Variants in ERAP1 observed in about 807,000 individuals in gnomAD.
The protein encoded by ERAP1 is endoplasmic reticulum aminopeptidase 1.
In ERAP1, 86 loss-of-function variants were observed where a neutral mutation model predicts 103.7. The observed-to-expected ratio is 0.83, with a 90% CI of 0.70 to 0.99. The LOEUF is 0.99. Ranked by LOEUF, ERAP1 falls within the 50% of genes least tolerant of loss-of-function variation. The pLI is 0.00. For synonymous variants in ERAP1, 398 were observed against 402.4 expected (o/e 0.99, Z 0.13); for missense variants, 1,009 against 1,128.4 (o/e 0.89, Z 1.52).
chr5:96,831,219 T>C, the ERAP1 span, among the ~76,000 whole-genome samples: 1 of 151,042 alleles, frequency 6.6e-6, no homozygotes, highest in Non-Finnish European at 1.5e-5. Context: ...AGGAGGGAGG[T>C]GCTACACACT....
chr5:96,878,699 A>G, the ERAP1 span, among the ~76,000 whole-genome samples: 2 of 152,120 alleles, frequency 1.3e-5, no homozygotes, highest in African/African-American at 4.8e-5. Context: ...AGGCTGAGGC[A>G]AGTGGATCAC....
At chr5:96,909,783 C>A in the ERAP1 span, 1 of 1,609,336 alleles carries the variant, frequency 6.2e-7, no homozygotes. Flanking sequence ...AGACTTCTGT[C>A]CTACCCTTTG....
chr5:96,865,394 T>C, the ERAP1 span, among the ~76,000 whole-genome samples: 1 of 152,166 alleles, frequency 6.6e-6, no homozygotes, highest in East Asian at 1.9e-4. Flanking sequence ...AATATGTGTA[T>C]AAAAGCCCTA....
At chr5:96,861,584 G>A in the ERAP1 span, among the ~76,000 whole-genome samples, 1 of 152,140 alleles carries the variant, frequency 6.6e-6, no homozygotes, top group African/African-American at 2.4e-5. Context: ...GATACCATTC[G>A]TCCTCCTCAG....
chr5:96,787,667 A>G (rs1423429344), intron 11 of ERAP1, among the ~76,000 whole-genome samples: 2 of 152,128 alleles, frequency 1.3e-5, no homozygotes, highest in Non-Finnish European at 2.9e-5. Context: ...ACATATGCCA[A>G]GTATATACAT....
exon 20 of ERAP1, chr5:96,761,042 A>C (rs184630360): frequency 6.6e-6 from 1 of 152,254 alleles, no homozygotes; most frequent in African/African-American, 2.4e-5. Context: ...GCATAGATCA[A>C]TGAAAAAATT....
intron 18 of ERAP1, among the ~76,000 whole-genome samples, chr5:96,777,779 C>T (rs1402455268): frequency 6.6e-6 from 1 of 152,168 alleles, no homozygotes; most frequent in Non-Finnish European, 1.5e-5. Flanking sequence ...TAAAAACAGA[C>T]CTTCTACAAC....
At chr5:96,891,499 GTATATATA>G in the ERAP1 span, among the ~76,000 whole-genome samples, 70,025 of 139,302 alleles carry the variant, frequency 0.5, 18,228 homozygotes, top group Middle Eastern at 0.58. Context: ...GTGTGTGTGT[GTATATATA>G]TATATATATG....
rs1441553013 is a variant in ERAP1 at position 96,807,910 on chromosome 5, C to T, written c.-68G>A. On this transcript the variant is annotated 5_prime_UTR_variant, in exon 1 of 19. Transcript: ENST00000443439. The stretch of plus-strand genomic sequence containing the variant: ...CTTGCGCCGCCGCCACCACCACTGC[C>T]GCCGGCCTAGCTCCCCCAGGACCGA... The T allele has an allele frequency of 8.1e-6, 8 of 986,258 alleles. No individual in the cohort carries two copies. The highest frequency in any genetic ancestry group is 9.6e-6 in the Non-Finnish European group (8 of 830,676). 61.1% of individuals were successfully genotyped at this position (986,258 alleles called of 1,614,324 possible). A position where few individuals can be genotyped will look rare whatever the true frequency, so the allele number is the denominator to read the frequency against.
At chr5:96,853,097 G>T in the ERAP1 span, among the ~76,000 whole-genome samples, 1 of 152,112 alleles carries the variant, frequency 6.6e-6, no homozygotes, top group African/African-American at 2.4e-5. Context: ...GACTGAGCTG[G>T]CAGGACATGC....
chr5:96,925,078 C>A, the ERAP1 span, among the ~76,000 whole-genome samples: 1 of 152,130 alleles, frequency 6.6e-6, no homozygotes, highest in Non-Finnish European at 1.5e-5. Flanking sequence ...GCCAGCACAT[C>A]ATTATTTTAA....
chr5:96,877,791 C>T, the ERAP1 span, among the ~76,000 whole-genome samples: 1 of 152,090 alleles, frequency 6.6e-6, no homozygotes, highest in Admixed American at 6.5e-5. Flanking sequence ...ACTTATCAGA[C>T]GTTCTTGGAA....
chr5:96,861,831 G>C, the ERAP1 span, among the ~76,000 whole-genome samples: 40 of 152,322 alleles, frequency 2.6e-4, no homozygotes, highest in Non-Finnish European at 5.1e-4. Flanking sequence ...TGTGACTACA[G>C]AGCAGAGACA....
the ERAP1 span, chr5:96,912,770 AC>A: frequency 6.2e-7 from 1 of 1,602,186 alleles, no homozygotes. Flanking sequence ...TGCTTTGTCA[AC>A]GAGCAAGCAT....
In ERAP1 at chr5:96,795,024, T is replaced by C. The variant is rs772960235; in HGVS notation, c.919+18A>G. On this transcript the variant is annotated intron_variant, in intron 5 of 18. Transcript: ENST00000443439. The stretch of plus-strand genomic sequence containing the variant: ...TGTTCATCAAATGTCATGTGTAATA[T>C]CTGTGCAAAATCTCTACCTTGTTTG... 3.1e-6 allele frequency: 5 copies of C among 1,613,698 alleles called. No homozygotes were observed. In the Admixed American group the frequency reaches 8.3e-5, roughly 27 times the overall value.
the ERAP1 span, chr5:96,896,235 T>C: frequency 1.6e-6 from 1 of 638,270 alleles, no homozygotes; most frequent in Non-Finnish European, 2.6e-6. Context: ...GGGGAATACA[T>C]ACAAGAAAAG....
the ERAP1 span, among the ~76,000 whole-genome samples, chr5:96,838,523 G>C: frequency 1.3e-5 from 2 of 152,140 alleles, no homozygotes; most frequent in African/African-American, 4.8e-5. Flanking sequence ...AATAGTTCTT[G>C]TATTGTAACT....
chr5:96,924,812 G>T, the ERAP1 span, among the ~76,000 whole-genome samples: 1 of 152,078 alleles, frequency 6.6e-6, no homozygotes, highest in Admixed American at 6.5e-5. Context: ...TGGCCAAGCT[G>T]GTCTTGAACT....
the ERAP1 span, among the ~76,000 whole-genome samples, chr5:96,857,474 C>T: frequency 1.3e-5 from 2 of 151,710 alleles, no homozygotes. Context: ...AAATACAAAA[C>T]TAAAAATTAA....
Sources: allele counts gnomAD v4.1 joint callset (sites outside exome capture counted in the v4.1 genomes callset), GRCh38; gene constraint gnomAD v4.1.1; transcripts MANE v1.5; gene names NCBI Gene and HGNC (gene_info 2026-07-23, HGNC 2026-07-21).